MIPOL1: variants seen among roughly 807,000 people sequenced by gnomAD.
The protein encoded by MIPOL1 is mirror-image polydactyly 1.
Under a neutral mutation model 60.9 loss-of-function variants are expected in MIPOL1, and 57 were observed. The observed-to-expected ratio is 0.94, with a 90% CI of 0.76 to 1.17. MIPOL1 has a LOEUF of 1.17. MIPOL1 is among the 50% of genes most tolerant of loss of function. The probability of loss-of-function intolerance (pLI) is 0.00; values close to 1 mark genes in which losing one functional copy is unlikely to be tolerated. For synonymous variants in MIPOL1, 179 were observed against 168.8 expected (o/e 1.06, Z -0.47); for missense variants, 551 against 511.6 (o/e 1.08, Z -0.74).
At chr14:37,395,963 G>A (rs1175482747) in intron 10 of MIPOL1, among the ~76,000 whole-genome samples, 1 of 152,046 alleles carries the variant, frequency 6.6e-6, no homozygotes, top group African/African-American at 2.4e-5. Context: ...TTCATTCTGT[G>A]GTTCTGTGTC....
intron 1 of MIPOL1, among the ~76,000 whole-genome samples, chr14:37,213,145 C>T (rs1280562417): frequency 6.6e-6 from 1 of 152,162 alleles, no homozygotes; most frequent in Non-Finnish European, 1.5e-5. Context: ...ATACCTAACT[C>T]TTCAATGCCC....
chr14:37,450,863 C>A (rs565604547), intron 11 of MIPOL1, among the ~76,000 whole-genome samples: 1 of 151,936 alleles, frequency 6.6e-6, no homozygotes. Context: ...AATATAAAAT[C>A]GTGTCCACTT....
intron 9 of MIPOL1, among the ~76,000 whole-genome samples, chr14:37,328,274 C>A (rs2089362913): frequency 6.6e-6 from 1 of 152,078 alleles, no homozygotes; most frequent in Non-Finnish European, 1.5e-5. Flanking sequence ...CTCAGCCTCT[C>A]AAAGTGCTGG....
intron 11 of MIPOL1, among the ~76,000 whole-genome samples, chr14:37,433,155 T>G (rs1336636411): frequency 1.3e-5 from 2 of 151,874 alleles, no homozygotes; most frequent in Non-Finnish European, 2.9e-5. Flanking sequence ...CAAACTCCCA[T>G]GCTGAAATGA....
chr14:37,243,552 G>A (rs1037850083), intron 1 of MIPOL1, among the ~76,000 whole-genome samples: 89 of 143,320 alleles, frequency 6.2e-4, no homozygotes, highest in Non-Finnish European at 1.3e-3. Context: ...TGGATAAAAT[G>A]AAGTATTGTA....
intron 9 of MIPOL1, among the ~76,000 whole-genome samples, chr14:37,365,993 A>C (rs2092457781): frequency 6.6e-6 from 1 of 152,092 alleles, no homozygotes; most frequent in African/African-American, 2.4e-5. Context: ...ATTTATTGGC[A>C]TATAGTTGCT....
chr14:37,478,399 A>G (rs1039475605), intron 11 of MIPOL1, among the ~76,000 whole-genome samples: 1 of 152,200 alleles, frequency 6.6e-6, no homozygotes, highest in South Asian at 2.1e-4. Flanking sequence ...GTGGTGATAA[A>G]ACATCTGATC....
chr14:37,526,716 G>C (rs1173665159), intron 12 of MIPOL1, among the ~76,000 whole-genome samples: 1 of 152,008 alleles, frequency 6.6e-6, no homozygotes, highest in Non-Finnish European at 1.5e-5. Context: ...TACAGACAGT[G>C]CTGTAAATGA....
intron 6 of MIPOL1, among the ~76,000 whole-genome samples, chr14:37,272,805 G>A (rs1404518669): frequency 2.6e-5 from 4 of 151,448 alleles, no homozygotes. Context: ...GTATTATAAC[G>A]TAGTTAAGCA....
At chr14:37,446,529 A>G (rs2094337781) in intron 11 of MIPOL1, among the ~76,000 whole-genome samples, 1 of 151,804 alleles carries the variant, frequency 6.6e-6, no homozygotes, top group African/African-American at 2.4e-5. Flanking sequence ...TTCCTCAGGG[A>G]TCTAGAACTA....
chr14:37,247,640 G>A (rs1177828587), intron 2 of MIPOL1, among the ~76,000 whole-genome samples, 189 bp from the exon 3 acceptor site: 1 of 152,046 alleles, frequency 6.6e-6, no homozygotes, highest in Non-Finnish European at 1.5e-5. Flanking sequence ...AAATACAAGT[G>A]TGAAGAAAAG....
intron 10 of MIPOL1, among the ~76,000 whole-genome samples, chr14:37,414,045 A>C (rs962323389): frequency 6.6e-6 from 1 of 152,170 alleles, no homozygotes; most frequent in Non-Finnish European, 1.5e-5. Context: ...AAATTTTTTT[A>C]AAGTTCTTTT....
chr14:37,407,033 G>A (rs559105620), intron 10 of MIPOL1, among the ~76,000 whole-genome samples: 1 of 152,230 alleles, frequency 6.6e-6, no homozygotes, highest in South Asian at 2.1e-4. Flanking sequence ...AGTCTCTACA[G>A]TCTAAATTAA....
At chr14:37,348,881 G>C (rs1253432997) in intron 9 of MIPOL1, among the ~76,000 whole-genome samples, 1 of 144,222 alleles carries the variant, frequency 6.9e-6, no homozygotes, top group Non-Finnish European at 1.5e-5. Context: ...GGGCTGGAGA[G>C]CAGTGGCACG....
At chr14:37,245,219 T>C (rs1594707809) in intron 1 of MIPOL1, among the ~76,000 whole-genome samples, 2 of 152,216 alleles carry the variant, frequency 1.3e-5, no homozygotes, top group East Asian at 3.9e-4. Context: ...TTAAGTAAAG[T>C]TGGTGAATAT....
intron 12 of MIPOL1, among the ~76,000 whole-genome samples, chr14:37,518,642 A>G (rs1353538546): frequency 6.6e-6 from 1 of 152,158 alleles, no homozygotes; most frequent in East Asian, 1.9e-4. Context: ...GCGTGATTTT[A>G]AATATATACA....
At chr14:37,526,859 T>C (rs557367964) in intron 12 of MIPOL1, among the ~76,000 whole-genome samples, 1 of 152,296 alleles carries the variant, frequency 6.6e-6, no homozygotes, top group African/African-American at 2.4e-5. Context: ...AATTGTTATT[T>C]TAAAAAGTTA....
chr14:37,313,446 A>C (rs1325503050), intron 9 of MIPOL1, among the ~76,000 whole-genome samples: 1 of 152,142 alleles, frequency 6.6e-6, no homozygotes, highest in Admixed American at 6.6e-5. Flanking sequence ...TGGTATTTGT[A>C]GTTAGAAGGA....
At chr14:37,520,304 A>G (rs1442837273) in intron 12 of MIPOL1, among the ~76,000 whole-genome samples, 1 of 152,174 alleles carries the variant, frequency 6.6e-6, no homozygotes, top group African/African-American at 2.4e-5. Flanking sequence ...AAATGTTGAC[A>G]TTAGAAAATT....
Sources: allele counts gnomAD v4.1 joint callset (sites outside exome capture counted in the v4.1 genomes callset), GRCh38; gene constraint gnomAD v4.1.1; transcripts MANE v1.5; gene names NCBI Gene and HGNC (gene_info 2026-07-23, HGNC 2026-07-21).